Variants in KPNA6 observed in about 807,000 individuals in gnomAD.
KPNA6 encodes importin subunit alpha-7.
KPNA6 carries 9 observed loss-of-function variants against 72.0 expected under a neutral mutation model. The observed-to-expected ratio is 0.13, with a 90% CI of 0.08 to 0.22. KPNA6 has a LOEUF of 0.22. Among genes scored for constraint, KPNA6 ranks in the 10% least tolerant of loss-of-function variants. The probability of loss-of-function intolerance (pLI) is 1.00; values close to 1 mark genes in which losing one functional copy is unlikely to be tolerated. For missense variants in KPNA6, 374 were observed against 655.7 expected (o/e 0.57, Z 4.69); for synonymous variants, 219 against 242.1 (o/e 0.90, Z 0.89).
At chr1:32,111,641 C>T (rs1557452818) in intron 1 of KPNA6, among the ~76,000 whole-genome samples, 1 of 152,190 alleles carries the variant, frequency 6.6e-6, no homozygotes, top group Admixed American at 6.5e-5. Context: ...GGCTGGTATT[C>T]TGGATCCTTT....
rs1641205332 is a variant in KPNA6 at position 32,109,464 on chromosome 1, G to GAT, written c.4+1330_4+1331insAT. Among the ~76,000 whole-genome samples, 5 of 151,824 alleles carry GAT rather than the reference G, an allele frequency of 3.3e-5. No individual in the cohort carries two copies. The South Asian group carries it at 1.0e-3, about 32-fold the overall frequency. Reference sequence around the variant, plus strand: ...TGGGATTACAGGTGTGAGCCACTGCGTCCAGCCTGTTTTTTTGTTTTGTTT... The same window carrying GAT: ...TGGGATTACAGGTGTGAGCCACTGCGATTCCAGCCTGTTTTTTTGTTTTGTTT... On this transcript the variant is annotated intron_variant, in intron 1 of 13. Coordinates refer to ENST00000373625, the MANE Select transcript of KPNA6 (RefSeq NM_012316.5).
At chr1:32,124,538 G>A (rs1224501844) in intron 1 of KPNA6, among the ~76,000 whole-genome samples, 3 of 142,436 alleles carry the variant, frequency 2.1e-5, no homozygotes, top group Non-Finnish European at 3.0e-5. Flanking sequence ...ACAGTCTCTC[G>A]CTCTGTTGCC....
At position 32,170,907 on chromosome 1, in the gene KPNA6, G is replaced by A. The variant is rs757085128; in HGVS notation, c.*13G>A. The stretch of plus-strand genomic sequence containing the variant: ...CTTCCAGCTATAATATCTGCCTCCA[G>A]GGAGGGGAGGGGATGGGAAGCACCA... On this transcript the variant is annotated 3_prime_UTR_variant, in exon 14 of 14. Transcript: ENST00000373625. 16 of 1,611,798 alleles carry A rather than the reference G, an allele frequency of 9.9e-6. No individual in the cohort carries two copies. Among genetic ancestry groups the A allele is most frequent in the Non-Finnish European group, 1.3e-5 (15 of 1,178,188 alleles).
intron 1 of KPNA6, among the ~76,000 whole-genome samples, chr1:32,133,940 TGAAG>T (rs1463664159): frequency 6.6e-6 from 1 of 151,446 alleles, no homozygotes; most frequent in East Asian, 1.9e-4. Context: ...CTGCGGAGGC[TGAAG>T]GAAGAGAATT....
intron 1 of KPNA6, among the ~76,000 whole-genome samples, chr1:32,141,098 G>T (rs756625214): frequency 6.6e-6 from 1 of 152,140 alleles, no homozygotes; most frequent in Non-Finnish European, 1.5e-5. Flanking sequence ...CAGGTTTGTG[G>T]TTGGTTGGAT....
intron 13 of KPNA6, 105 bp downstream of exon 13, chr1:32,170,165 G>C: frequency 2.0e-6 from 2 of 978,360 alleles, no homozygotes; most frequent in East Asian, 2.6e-5. Context: ...AGCATCCATA[G>C]CTTCCATGAG....
rs1339646940 is a variant in KPNA6, at chr1:32,171,239, T to G, written c.*345T>G. 1.0e-5 allele frequency: 2 copies of G among 199,886 alleles called. No homozygotes were observed. The highest frequency in any genetic ancestry group is 4.6e-5 in the African/African-American group (2 of 43,024). The allele number at this position is 199,886 out of a possible 1,614,324, so 12.4% of individuals were successfully genotyped here. A position where few individuals can be genotyped will look rare whatever the true frequency, so the allele number is the denominator to read the frequency against. On this transcript the variant is annotated 3_prime_UTR_variant, in exon 14 of 14. Coordinates refer to ENST00000373625, the MANE Select transcript of KPNA6 (RefSeq NM_012316.5). The stretch of plus-strand genomic sequence containing the variant: ...ATTTGCACCTTTTTTTATTTTTATT[T>G]TTTTTCTTTTTTTCTTCAGTGGTGA...
In KPNA6 at chr1:32,142,536, C is replaced by CCCTA. The variant is rs199648642; in HGVS notation, c.5-12047_5-12044dup. On this transcript the variant is annotated intron_variant, in intron 1 of 13. Transcript: ENST00000373625. ...AGACATGATTCAGCCATTTTAAGGC[C>CCCTA]CCTACCTATTTTGTATTATCATTGC... 2.3e-3 allele frequency among the ~76,000 whole-genome samples: 353 copies of CCCTA among 152,098 alleles called. 5 individuals are homozygous for CCCTA. The East Asian group carries it at 0.041, about 18-fold the overall frequency.
At chr1:32,125,092 G>A (rs1203982728) in intron 1 of KPNA6, among the ~76,000 whole-genome samples, 14 of 152,176 alleles carry the variant, frequency 9.2e-5, no homozygotes, top group African/African-American at 2.2e-4. Flanking sequence ...CAATCCACCC[G>A]CCTCGGCCTC....
chr1:32,132,220 C>T (rs1243601518), intron 1 of KPNA6, among the ~76,000 whole-genome samples: 3 of 152,162 alleles, frequency 2.0e-5, no homozygotes, highest in African/African-American at 7.2e-5. Flanking sequence ...ATCTGCCCGC[C>T]TTGGCTCCCC....
intron 1 of KPNA6, among the ~76,000 whole-genome samples, chr1:32,146,928 C>T (rs568922828): frequency 5.7e-4 from 86 of 151,968 alleles, no homozygotes; most frequent in Admixed American, 8.5e-4. Flanking sequence ...GGTACAGTCA[C>T]GGCTCACTGC....
intron 1 of KPNA6, among the ~76,000 whole-genome samples, chr1:32,153,006 G>A (rs1277136394): frequency 3.7e-5 from 4 of 108,766 alleles, no homozygotes; most frequent in East Asian, 3.0e-4. Context: ...GACAGAGTGA[G>A]ACTCCATCTC....
At chr1:32,153,371 G>A (rs892978191) in intron 1 of KPNA6, among the ~76,000 whole-genome samples, 3 of 151,912 alleles carry the variant, frequency 2.0e-5, no homozygotes, top group Non-Finnish European at 4.4e-5. Context: ...TTCGAGATCA[G>A]CCTGGCCAAC....
intron 1 of KPNA6, among the ~76,000 whole-genome samples, chr1:32,119,021 TATATA>T (rs1203445711): frequency 2.0e-3 from 162 of 81,386 alleles, no homozygotes; most frequent in African/African-American, 0.01. Flanking sequence ...TATATATATA[TATATA>T]TATATATTTT....
intron 1 of KPNA6, among the ~76,000 whole-genome samples, chr1:32,145,260 A>G (rs1015974431): frequency 1.4e-5 from 2 of 146,712 alleles, no homozygotes; most frequent in South Asian, 2.2e-4. Context: ...CGCCTGGCCA[A>G]AACTTTTTTA....
Position 32,174,492 on chromosome 1 carries a change from A to T in KPNA6, c.*3598A>T, listed in dbSNP as rs957674030. 2 of 152,236 alleles carry T rather than the reference A, an allele frequency of 1.3e-5. No homozygotes were observed. The highest frequency in any genetic ancestry group is 1.3e-4 in the Admixed American group (2 of 15,284). The allele number at this position is 152,236 out of a possible 1,614,324, so 9.4% of individuals were successfully genotyped here. Reference sequence around the variant, plus strand: ...TTGTACTTGTTTCTAGCAAACTAGAAGGAAAAGATAGGAAAGCCTGGCACT... The same window carrying T: ...TTGTACTTGTTTCTAGCAAACTAGATGGAAAAGATAGGAAAGCCTGGCACT... On this transcript the variant is annotated 3_prime_UTR_variant, in exon 14 of 14. Coordinates refer to ENST00000373625, the MANE Select transcript of KPNA6 (RefSeq NM_012316.5).
chr1:32,136,084 G>A (rs1432813663), intron 1 of KPNA6, among the ~76,000 whole-genome samples: 1 of 152,056 alleles, frequency 6.6e-6, no homozygotes, highest in Non-Finnish European at 1.5e-5. Flanking sequence ...CACTTGGCTT[G>A]TAGTAGATGT....
chr1:32,154,082 G>A (rs1642089053), intron 1 of KPNA6, among the ~76,000 whole-genome samples: 1 of 152,198 alleles, frequency 6.6e-6, no homozygotes, highest in Non-Finnish European at 1.5e-5. Context: ...AGGAGGCAGA[G>A]GTTGCAGTGA....
intron 7 of KPNA6, 44 bp from the exon 8 acceptor site, chr1:32,161,903 C>A: frequency 1.4e-6 from 2 of 1,466,608 alleles, no homozygotes; most frequent in Non-Finnish European, 1.9e-6. Flanking sequence ...CAGTCCTATG[C>A]CAAGGCCTCA....
Sources: allele counts gnomAD v4.1 joint callset (sites outside exome capture counted in the v4.1 genomes callset), GRCh38; gene constraint gnomAD v4.1.1; transcripts MANE v1.5; gene names NCBI Gene and HGNC (gene_info 2026-07-23, HGNC 2026-07-21).